The following NOSTRIN variants were observed in gnomAD, a reference collection of about 807,000 sequenced individuals.
NOSTRIN encodes BM247 homolog.
Under a neutral mutation model 59.0 loss-of-function variants are expected in NOSTRIN, and 63 were observed. The ratio of observed to expected loss-of-function variants is 1.07; its 90% CI spans 0.87 to 1.32. The LOEUF is 1.32. Among genes scored for constraint, NOSTRIN ranks in the 40% most tolerant of loss-of-function variants. NOSTRIN has a pLI of 0.00. For missense variants in NOSTRIN, 512 were observed against 473.1 expected (o/e 1.08, Z -0.76); for synonymous variants, 200 against 165.4 (o/e 1.21, Z -1.61).
At chr2:168,840,097 C>T (rs1045200077) in intron 7 of NOSTRIN, among the ~76,000 whole-genome samples, 3 of 151,768 alleles carry the variant, frequency 2.0e-5, no homozygotes, top group African/African-American at 7.3e-5. Context: ...GCTGAGCATT[C>T]TCAATAAGAA....
intron 15 of NOSTRIN, 123 bp from the exon 16 acceptor site, chr2:168,864,711 A>G: frequency 9.2e-7 from 1 of 1,092,362 alleles, no homozygotes; most frequent in Non-Finnish European, 1.3e-6. Context: ...CATCTGAATC[A>G]AGTGCAGAAA....
upstream of NOSTRIN, among the ~76,000 whole-genome samples, chr2:168,800,240 C>T (rs911226960): frequency 3.3e-5 from 5 of 152,146 alleles, no homozygotes; most frequent in Admixed American, 1.3e-4. Flanking sequence ...TCAGGGGACA[C>T]CTGAAGATCC....
chr2:168,818,220 T>C (rs1276038816), intron 2 of NOSTRIN: 1 of 433,760 alleles, frequency 2.3e-6, no homozygotes, highest in Non-Finnish European at 4.7e-6. Flanking sequence ...GTGGTGCAAT[T>C]ATAGCTTGCT....
chr2:168,863,785 C>A (rs1203285019), intron 15 of NOSTRIN: 2 of 361,030 alleles, frequency 5.5e-6, no homozygotes, highest in Non-Finnish European at 7.7e-6. Context: ...GCCAAACAAT[C>A]AAAAACACCA....
At chr2:168,793,494 C>G (rs1417638477), upstream of NOSTRIN, among the ~76,000 whole-genome samples, 1 of 152,048 alleles carries the variant, frequency 6.6e-6, no homozygotes, top group Non-Finnish European at 1.5e-5. Flanking sequence ...ACCTTTAGCT[C>G]TAACTGCTTG....
At chr2:168,824,950 G>A (rs369677808) in intron 3 of NOSTRIN, among the ~76,000 whole-genome samples, 10 of 151,828 alleles carry the variant, frequency 6.6e-5, no homozygotes, top group Admixed American at 3.3e-4. Flanking sequence ...GTTGGGACAG[G>A]GTCTTACTAT....
chr2:168,844,392 T>TAA (rs1474852880), intron 8 of NOSTRIN, among the ~76,000 whole-genome samples: 25 of 85,406 alleles, frequency 2.9e-4, no homozygotes, highest in Admixed American at 4.4e-4. Flanking sequence ...TGTTTTAAGT[T>TAA]TAAAAAAAAA....
At chr2:168,820,176 A>G (rs1288545839) in intron 2 of NOSTRIN, among the ~76,000 whole-genome samples, 1 of 152,228 alleles carries the variant, frequency 6.6e-6, no homozygotes, top group Non-Finnish European at 1.5e-5. Flanking sequence ...TTAAGCAGGC[A>G]GTTCCCCAGC....
rs920756021 is a variant in NOSTRIN at position 168,820,788 on chromosome 2, C to CT, written c.114-3838dup. On this transcript the variant is annotated intron_variant, in intron 2 of 15. Transcript: ENST00000317647. The stretch of plus-strand genomic sequence containing the variant: ...CCTTTTTCATACCACCAAAGCCCAA[C>CT]TTTTTTTTCCTCAAGTGGAATAAAC... Among the ~76,000 whole-genome samples the CT allele has an allele frequency of 7.3e-5, 11 of 150,636 alleles. No homozygotes were observed. In the East Asian group the frequency reaches 1.2e-3, roughly 16 times the overall value.
At chr2:168,789,071 G>A (rs1339592827) in intron 2 of NOSTRIN, among the ~76,000 whole-genome samples, 5 of 152,138 alleles carry the variant, frequency 3.3e-5, no homozygotes, top group Non-Finnish European at 7.4e-5. Context: ...AAGGAACCAG[G>A]GCTCCTTGAA....
chr2:168,824,788 G>GTTTGTTTGTTTC, intron 3 of NOSTRIN, 71 bp downstream of exon 3: 1 of 784,472 alleles, frequency 1.3e-6, no homozygotes, highest in Non-Finnish European at 2.2e-6. Flanking sequence ...TTGTTTGTTT[G>GTTTGTTTGTTTC]TTTTTTGAGA....
chr2:168,814,017 T>C (rs937126120), intron 2 of NOSTRIN, among the ~76,000 whole-genome samples: 2 of 152,234 alleles, frequency 1.3e-5, no homozygotes, highest in Non-Finnish European at 2.9e-5. Flanking sequence ...TTTTAGATCA[T>C]GTAGTTAACC....
chr2:168,837,118 CCA>C (rs150534189), intron 7 of NOSTRIN, among the ~76,000 whole-genome samples: 160 of 152,116 alleles, frequency 1.1e-3, no homozygotes, highest in Non-Finnish European at 1.9e-3. Context: ...CATGAGGGTT[CCA>C]CCCTCATGGC....
chr2:168,834,517 A>ACGCGCG (rs1469301503), intron 7 of NOSTRIN, among the ~76,000 whole-genome samples, 192 bp downstream of exon 7: 1 of 129,190 alleles, frequency 7.7e-6, no homozygotes, highest in East Asian at 3.0e-4. Context: ...GCACACACAC[A>ACGCGCG]CACACACACA....
intron 2 of NOSTRIN, among the ~76,000 whole-genome samples, chr2:168,791,894 G>C (rs1178149236): frequency 6.6e-6 from 1 of 152,206 alleles, no homozygotes; most frequent in African/African-American, 2.4e-5. Flanking sequence ...CCCTTCGTCA[G>C]ATGAGTAGGT....
chr2:168,822,168 C>T (rs967351682), intron 2 of NOSTRIN, among the ~76,000 whole-genome samples: 6 of 152,116 alleles, frequency 3.9e-5, no homozygotes, highest in Non-Finnish European at 5.9e-5. Context: ...TTTTTAAGTG[C>T]GATGAGATAT....
Position 168,859,876 on chromosome 2 carries a change from T to C in NOSTRIN, c.1179+239T>C, listed in dbSNP as rs367811933. 3.9e-5 allele frequency among the ~76,000 whole-genome samples: 6 copies of C among 152,358 alleles called. No individual in the cohort carries two copies. In the South Asian group the frequency reaches 1.2e-3, roughly 32 times the overall value. ...GAGAAGCTAAAAAACACTTTTGATT[T>C]CTTCTTTCTCATCATACCTGAATTT... On this transcript the variant is annotated intron_variant, in intron 13 of 15. Transcript: ENST00000317647.
chr2:168,798,729 A>G (rs1048058501), upstream of NOSTRIN, among the ~76,000 whole-genome samples: 2 of 152,206 alleles, frequency 1.3e-5, no homozygotes, highest in East Asian at 3.8e-4. Context: ...CAGAGAACTC[A>G]AAAGGACTCT....
At chr2:168,827,947 A>G (rs700548) in intron 3 of NOSTRIN, among the ~76,000 whole-genome samples, 147,100 of 152,186 alleles carry the variant, frequency 0.97, 71,130 homozygotes, top group East Asian at 1. Context: ...AATGAAAAAT[A>G]ACTGGGAAAA....
Sources: gnomAD v4.1 joint callset for allele counts (sites outside exome capture counted in the v4.1 genomes callset) on GRCh38, gnomAD v4.1.1 for gene constraint, MANE v1.5 for transcripts, NCBI Gene and HGNC (gene_info 2026-07-23, HGNC 2026-07-21) for gene names.